The following SHC3 variants were observed in gnomAD, a reference collection of about 807,000 sequenced individuals.
SHC3 encodes SHC-transforming protein 3.
Under a neutral mutation model 60.4 loss-of-function variants are expected in SHC3, and 15 were observed. The ratio of observed to expected loss-of-function variants is 0.25; its 90% confidence interval spans 0.17 to 0.38. The LOEUF (loss-of-function observed/expected upper bound fraction) is 0.38, where lower values mean the gene tolerates loss of function less well. Ranked by LOEUF, SHC3 falls within the 10% of genes least tolerant of loss-of-function variation. The probability of loss-of-function intolerance (pLI) is 1.00; values close to 1 mark genes in which losing one functional copy is unlikely to be tolerated. For missense variants in SHC3, 677 were observed against 786.1 expected (o/e 0.86, Z 1.66); for synonymous variants, 294 against 325.9 (o/e 0.90, Z 1.05).
chr9:89,040,178 CAACACCACCACCAT>C, intron 10 of SHC3, among the ~76,000 whole-genome samples: 1 of 4,142 alleles, frequency 2.4e-4, no homozygotes, highest in Non-Finnish European at 5.9e-4. Flanking sequence ...TCATCACTAT[CAACACCACCACCAT>C]CAGCAGCATC....
chr9:89,076,542 T>C (rs865914663), intron 3 of SHC3, among the ~76,000 whole-genome samples: 1 of 152,000 alleles, frequency 6.6e-6, no homozygotes, highest in Non-Finnish European at 1.5e-5. Flanking sequence ...ACTGAAGAGG[T>C]TTTCATGGTT....
chr9:89,119,875 G>A (rs1826066421), intron 1 of SHC3, among the ~76,000 whole-genome samples: 1 of 152,208 alleles, frequency 6.6e-6, no homozygotes, highest in Non-Finnish European at 1.5e-5. Context: ...GAACAGGCGA[G>A]TCATACAAGG....
intron 1 of SHC3, among the ~76,000 whole-genome samples, chr9:89,162,572 C>T (rs1159412734): frequency 3.9e-5 from 6 of 152,204 alleles, no homozygotes; most frequent in East Asian, 1.9e-4. Context: ...CCCTTCCTTA[C>T]GCCTTATACA....
intron 1 of SHC3, among the ~76,000 whole-genome samples, chr9:89,124,952 G>A (rs1185718920): frequency 6.6e-6 from 1 of 152,114 alleles, no homozygotes; most frequent in Admixed American, 6.5e-5. Flanking sequence ...GTTCTGGTAG[G>A]GAGTAACTAA....
At chr9:89,095,480 A>G (rs1011599828) in intron 2 of SHC3, among the ~76,000 whole-genome samples, 1 of 152,110 alleles carries the variant, frequency 6.6e-6, no homozygotes, top group East Asian at 1.9e-4. Context: ...GTTGTTGTCT[A>G]ATGGGGACAG....
chr9:89,013,424 T>C lies in SHC3; in HGVS notation c.*23A>G. On this transcript the variant is annotated 3_prime_UTR_variant, in exon 12 of 12. Transcript: ENST00000375835. ...CAGGTCCTCCTGACCTGGTGCGCAG[T>C]GCTGGGAGCAGTGCTGGCCAGGTCA... is the stretch of plus-strand genomic sequence containing the variant. The C allele has an allele frequency of 6.3e-7, 1 of 1,587,070 alleles. No homozygotes were observed. The highest frequency in any genetic ancestry group is 2.3e-5 in the East Asian group (1 of 43,558).
chr9:89,165,515 AATC>A (rs1305326632), intron 1 of SHC3, among the ~76,000 whole-genome samples: 6 of 129,042 alleles, frequency 4.6e-5, no homozygotes, highest in African/African-American at 1.8e-4. Flanking sequence ...AGTTTATTGC[AATC>A]ATCAAGGCAA....
intron 1 of SHC3, among the ~76,000 whole-genome samples, chr9:89,159,237 A>G (rs1211924974): frequency 2.0e-5 from 3 of 152,238 alleles, no homozygotes; most frequent in African/African-American, 7.2e-5. Context: ...TTCTTAGGAT[A>G]GGACAAAACT....
At chr9:89,167,579 C>T (rs1380726895) in intron 1 of SHC3, among the ~76,000 whole-genome samples, 4 of 152,228 alleles carry the variant, frequency 2.6e-5, no homozygotes, top group Non-Finnish European at 4.4e-5. Flanking sequence ...CTGACCGTGA[C>T]CTTCTGTTCT....
chr9:89,173,855 A>G (rs898355229), intron 1 of SHC3, among the ~76,000 whole-genome samples: 4 of 152,230 alleles, frequency 2.6e-5, no homozygotes, highest in Non-Finnish European at 4.4e-5. Context: ...TAATGTCAAA[A>G]GAAATTCTTA....
chr9:89,141,847 G>T (rs1826398425), intron 1 of SHC3, among the ~76,000 whole-genome samples: 1 of 152,228 alleles, frequency 6.6e-6, no homozygotes, highest in East Asian at 1.9e-4. Context: ...GAAAAAGAGA[G>T]AGAGAAATGC....
intron 2 of SHC3, among the ~76,000 whole-genome samples, chr9:89,099,566 T>C (rs931880304): frequency 5.9e-5 from 9 of 152,176 alleles, no homozygotes; most frequent in Non-Finnish European, 7.4e-5. Context: ...CCAGAAGGGA[T>C]TGGGGAAAGG....
intron 2 of SHC3, among the ~76,000 whole-genome samples, chr9:89,090,159 C>A (rs897584329): frequency 7.2e-5 from 11 of 152,112 alleles, no homozygotes; most frequent in Admixed American, 4.6e-4. Flanking sequence ...TATATCTCCA[C>A]CCACATATTA....
intron 5 of SHC3, 27 bp from the exon 6 acceptor site, chr9:89,065,607 G>A (rs2117978880): frequency 6.2e-7 from 1 of 1,612,344 alleles, no homozygotes; most frequent in African/African-American, 1.3e-5. Flanking sequence ...AGATGTCTAT[G>A]TCACTAATCA....
intron 1 of SHC3, among the ~76,000 whole-genome samples, chr9:89,148,183 C>T (rs1264062205): frequency 1.3e-5 from 2 of 152,126 alleles, no homozygotes; most frequent in Non-Finnish European, 2.9e-5. Context: ...TGAACTTGAA[C>T]ATTGTCTGAT....
intron 2 of SHC3, among the ~76,000 whole-genome samples, chr9:89,089,989 A>G (rs1398141840): frequency 6.6e-6 from 1 of 151,922 alleles, no homozygotes; most frequent in African/African-American, 2.4e-5. Flanking sequence ...GCCTTTAAAA[A>G]CCACCCATGC....
rs572608763 is a variant in SHC3 at position 89,121,867 on chromosome 9, T to G, written c.475-9241A>C. Reference sequence around the variant, plus strand: ...AAAAAGAAAATTCGACATGAAGAAGTGTATTATGAGGATAAATTACAGCAA... The same window carrying G: ...AAAAAGAAAATTCGACATGAAGAAGGGTATTATGAGGATAAATTACAGCAA... On this transcript the variant is annotated intron_variant, in intron 1 of 11. Transcript: ENST00000375835. 1.2e-4 allele frequency among the ~76,000 whole-genome samples: 19 copies of G among 152,260 alleles called. No homozygotes were observed. The South Asian group carries it at 3.9e-3, about 32-fold the overall frequency.
chr9:89,053,301 T>C (rs1418730656), intron 6 of SHC3, among the ~76,000 whole-genome samples: 1 of 152,320 alleles, frequency 6.6e-6, no homozygotes, highest in East Asian at 1.9e-4. Flanking sequence ...GGAGGATGCA[T>C]TTCTTCATGA....
intron 1 of SHC3, among the ~76,000 whole-genome samples, chr9:89,127,963 TCCA>T (rs1826188980): frequency 6.6e-6 from 1 of 152,134 alleles, no homozygotes; most frequent in Non-Finnish European, 1.5e-5. Context: ...CTCTGAGGGC[TCCA>T]CCCTGAAACA....
Sources: gnomAD v4.1 joint callset for allele counts (sites outside exome capture counted in the v4.1 genomes callset) on GRCh38, gnomAD v4.1.1 for gene constraint, MANE v1.5 for transcripts, NCBI Gene and HGNC (gene_info 2026-07-23, HGNC 2026-07-21) for gene names.